Variants in DLEC1 observed in about 807,000 individuals in gnomAD.
DLEC1 encodes deleted in lung and esophageal cancer protein 1.
Under a neutral mutation model 198.1 loss-of-function variants are expected in DLEC1, and 146 were observed. The observed-to-expected ratio is 0.74, with a 90% CI of 0.64 to 0.85. DLEC1 has a LOEUF of 0.85. DLEC1 is among the 40% of genes least tolerant of loss of function. The pLI is 0.00. For missense variants in DLEC1, 2,233 were observed against 2,220.0 expected, an observed-to-expected ratio of 1.01 and a Z score of -0.12; for synonymous variants, 897 against 866.8, an observed-to-expected ratio of 1.03 and a Z score of -0.61.
intron 1 of DLEC1, 43 bp downstream of exon 1, chr3:38,039,679 C>G (rs980174288): frequency 5.8e-6 from 9 of 1,547,976 alleles, no homozygotes; most frequent in Admixed American, 1.9e-5. Flanking sequence ...GTGCCGGGGT[C>G]TCAGCGCTCG....
rs752708875 is a variant in DLEC1, at chr3:38,116,829, C to A, written c.4119C>A (p.Ile1373=). The A allele has an allele frequency of 2.5e-6, 4 of 1,613,752 alleles. No homozygotes were observed. The African/African-American group carries it at 4.0e-5, about 16-fold the overall frequency. ...NRVAQKLISV[I]LQAHEGVPSG... ...TGGCACAGAAGCTCATCTCAGTCAT[C>A]CTGCAGGCACATGAGGGGGTGCCCT... Residue 1373 remains isoleucine (I), a synonymous_variant, in exon 29 of 37, where the codon ATC becomes ATA. Transcript: ENST00000308059.
intron 13 of DLEC1, chr3:38,095,670 C>T (rs990548978): frequency 8.9e-6 from 5 of 560,750 alleles, no homozygotes; most frequent in African/African-American, 7.6e-5. Flanking sequence ...CACCCAGGCC[C>T]AGCTGAGACA....
chr3:38,067,920 T>C (rs1575413426), intron 6 of DLEC1, among the ~76,000 whole-genome samples: 1 of 151,996 alleles, frequency 6.6e-6, no homozygotes, highest in Admixed American at 6.5e-5. Flanking sequence ...GCCTGGCTAA[T>C]TTTTTATATT....
rs747061973 is a variant in DLEC1, at chr3:38,097,262, C to T, written c.2421C>T (p.Gly807=). The change falls in exon 16 of 37, where the codon GGC becomes GGT. Residue 807 remains glycine (G), a synonymous_variant. Coordinates refer to ENST00000308059, the MANE Select transcript of DLEC1 (RefSeq NM_007335.4). ...GCCACATCATTGAAGTGGAGCCCGG[C>T]ACAGGGGTCATAGGTACCTTGGGGA... ...SDCHIIEVEP[G]TGVIEPSEVG... is the part of the protein sequence containing the mutation. 3.7e-5 allele frequency: 59 copies of T among 1,581,156 alleles called. No individual in the cohort carries two copies. The African/African-American group carries it at 5.8e-4, about 16-fold the overall frequency.
At chr3:38,082,432 G>A (rs1698096087) in intron 6 of DLEC1, among the ~76,000 whole-genome samples, 1 of 151,956 alleles carries the variant, frequency 6.6e-6, no homozygotes, top group Admixed American at 6.6e-5. Context: ...CACTTTGGGA[G>A]GCCAAGGCAG....
At chr3:38,049,351 C>T (rs529063946) in intron 2 of DLEC1, among the ~76,000 whole-genome samples, 3 of 152,290 alleles carry the variant, frequency 2.0e-5, no homozygotes, top group South Asian at 2.1e-4. Context: ...ACTCAGATAA[C>T]TGGCAATGAG....
chr3:38,072,025 T>G lies in DLEC1; in HGVS notation c.1173+8106T>G, dbSNP rs556285524. 2.0e-5 allele frequency among the ~76,000 whole-genome samples: 3 copies of G among 152,248 alleles called. No individual in the cohort carries two copies. In the East Asian group the frequency reaches 5.8e-4, roughly 29 times the overall value. Reference sequence around the variant, plus strand: ...GCTGGTGAGTGGCAATTAGGCCTGGTGGAACTGCCATCAATAAACCAAGTG... The same window carrying G: ...GCTGGTGAGTGGCAATTAGGCCTGGGGGAACTGCCATCAATAAACCAAGTG... On this transcript the variant is annotated intron_variant, in intron 6 of 36. Transcript: ENST00000308059.
At chr3:38,062,417 A>G (rs757363624) in intron 4 of DLEC1, 49 bp downstream of exon 4, 23 of 1,609,446 alleles carry the variant, frequency 1.4e-5, no homozygotes, top group Non-Finnish European at 1.9e-5. Context: ...ACAGAGAGGC[A>G]GTGAAGGGGA....
chr3:38,098,183 AGGCAGGAAGAGATGGGCAGCTAGGTTG>A (rs1699132448), intron 18 of DLEC1, among the ~76,000 whole-genome samples: 1 of 152,064 alleles, frequency 6.6e-6, no homozygotes, highest in African/African-American at 2.4e-5. Flanking sequence ...GAGCCGTCTG[AGGCAGGAAGAGATGGGCAGCTAGGTTG>A]GGCAGGAAGC....
Position 38,112,420 on chromosome 3 carries a change from T to C in DLEC1, c.3666+59T>C. The stretch of plus-strand genomic sequence containing the variant: ...GTGGAGAGTCTGCCCAGCCCTCGCC[T>C]TCAGCCTCTCTCCCCTCCAACACCT... On this transcript the variant is annotated intron_variant, in intron 25 of 36. Transcript: ENST00000308059. The surrounding 1 kb of genome is among the most constrained non-coding windows in gnomAD (Gnocchi z 4.8). 1 of 1,595,122 alleles carries C rather than the reference T, an allele frequency of 6.3e-7. No homozygotes were observed. The highest frequency in any genetic ancestry group is 2.3e-5 in the East Asian group (1 of 44,418).
At chr3:38,073,809 GC>G (rs1359131451) in intron 6 of DLEC1, among the ~76,000 whole-genome samples, 2 of 152,190 alleles carry the variant, frequency 1.3e-5, no homozygotes, top group Non-Finnish European at 2.9e-5. Flanking sequence ...GGAGTGGGTA[GC>G]CCCTGTGTCG....
Position 38,116,451 on chromosome 3 carries a change from A to C in DLEC1, c.3857-2A>C. On this transcript the variant is annotated splice_acceptor_variant, in intron 27 of 36. Coordinates refer to ENST00000308059, the MANE Select transcript of DLEC1 (RefSeq NM_007335.4). LOFTEE classifies it high-confidence loss of function. ...TCACCCTGCTCCACACATCTGCCCCAGACATCCGCCTGGATTGGGAGACCT... is the reference window on the plus strand; with the variant it reads ...TCACCCTGCTCCACACATCTGCCCCCGACATCCGCCTGGATTGGGAGACCT... The C allele has an allele frequency of 6.2e-7, 1 of 1,614,044 alleles. No homozygotes were observed. The highest frequency in any genetic ancestry group is 8.5e-7 in the Non-Finnish European group (1 of 1,179,958).
rs78947703 is a variant in DLEC1, at chr3:38,061,477, G to C, written c.674-692G>C. On this transcript the variant is annotated intron_variant, in intron 3 of 36. Coordinates refer to ENST00000308059, the MANE Select transcript of DLEC1 (RefSeq NM_007335.4). ...ATTACAGGCATGAGCCACTGCGCTT[G>C]GCCAGGGGGTGGGGGATGATCTTAA... Among the ~76,000 whole-genome samples, 1,104 of 152,294 alleles carry C rather than the reference G, an allele frequency of 7.2e-3. 21 individuals are homozygous for C. Among genetic ancestry groups the C allele is most frequent in the African/African-American group, 0.025 (1,059 of 41,554 alleles).
intron 12 of DLEC1, among the ~76,000 whole-genome samples, chr3:38,094,368 C>A (rs1698899342): frequency 6.6e-6 from 1 of 152,178 alleles, no homozygotes; most frequent in South Asian, 2.1e-4. Context: ...CAAGTCCTGC[C>A]CCTCCTATGC....
intron 12 of DLEC1, 32 bp downstream of exon 12, chr3:38,093,799 A>T (rs1215766979): frequency 2.5e-6 from 4 of 1,608,936 alleles, no homozygotes; most frequent in Non-Finnish European, 3.4e-6. Flanking sequence ...CCCAATACCC[A>T]ACCCTTCTTC....
intron 30 of DLEC1, 27 bp downstream of exon 30, chr3:38,117,127 G>A (rs757203935): frequency 2.2e-5 from 35 of 1,613,706 alleles, no homozygotes; most frequent in Non-Finnish European, 2.9e-5. Flanking sequence ...TGGGGTGGGG[G>A]CCGCAGCCAC....
chr3:38,117,289 G>T lies in DLEC1; in HGVS notation c.4387G>T (p.Val1463Leu). 1.2e-6 allele frequency: 2 copies of T among 1,614,106 alleles called. No individual in the cohort carries two copies. The highest frequency in any genetic ancestry group is 1.7e-6 in the Non-Finnish European group (2 of 1,179,990). ...CCTGAAACTGGACCTGCATAGCTAC[G>T]TGAGGCCTGCACAGTGAGTCAGCTG... is the stretch of plus-strand genomic sequence containing the variant. The part of the protein sequence containing the change: ...GPLKLDLHSY[V>L]RPAQLSVELD... Residue 1463 changes from valine (V) to leucine (L), a missense_variant, in exon 31 of 37, where the codon GTG becomes TTG. Transcript: ENST00000308059.
chr3:38,107,054 T>A (rs966024512), intron 19 of DLEC1, among the ~76,000 whole-genome samples: 1 of 152,172 alleles, frequency 6.6e-6, no homozygotes, highest in Non-Finnish European at 1.5e-5. Context: ...AGAATACAGA[T>A]CAGTTTACCT....
intron 12 of DLEC1, 143 bp from the exon 13 acceptor site, chr3:38,094,736 G>A: frequency 1.1e-6 from 1 of 901,058 alleles, no homozygotes; most frequent in African/African-American, 1.7e-5. Context: ...GTCCTCCATT[G>A]GAAGGGTGTG....
Sources: allele counts gnomAD v4.1 joint callset (sites outside exome capture counted in the v4.1 genomes callset), GRCh38; gene constraint gnomAD v4.1.1; non-coding constraint Gnocchi (gnomAD v3.1); transcripts MANE v1.5; gene names NCBI Gene and HGNC (gene_info 2026-07-23, HGNC 2026-07-21).